FHIT: variants seen among roughly 807,000 people sequenced by gnomAD.
FHIT encodes bis(5'-adenosyl)-triphosphatase.
A neutral mutation model predicts 17.9 loss-of-function variants in FHIT; 19 were observed. The observed-to-expected ratio is 1.06, with a 90% CI of 0.74 to 1.56. The LOEUF (loss-of-function observed/expected upper bound fraction) is 1.56, where lower values mean the gene tolerates loss of function less well. FHIT is among the 40% of genes most tolerant of loss of function. The pLI, the probability that FHIT is intolerant of heterozygous loss-of-function variation, is 0.00. For missense variants in FHIT, 248 were observed against 189.2 expected, an observed-to-expected ratio of 1.31 and a Z score of -1.82; for synonymous variants, 81 against 69.7, an observed-to-expected ratio of 1.16 and a Z score of -0.81.
At chr3:61,203,093 T>C (rs1232938205) in intron 1 of FHIT, among the ~76,000 whole-genome samples, 1 of 148,600 alleles carries the variant, frequency 6.7e-6, no homozygotes, top group Non-Finnish European at 1.5e-5. Context: ...GGCAGGAGAA[T>C]GGTGTGAACC....
intron 5 of FHIT, among the ~76,000 whole-genome samples, chr3:60,517,737 A>T (rs1222668956): frequency 6.6e-6 from 1 of 152,212 alleles, no homozygotes; most frequent in African/African-American, 2.4e-5. Context: ...GTTGTGCCAC[A>T]ATCCCCAAGA....
At chr3:60,894,279 G>T (rs1705672693) in intron 3 of FHIT, among the ~76,000 whole-genome samples, 1 of 152,162 alleles carries the variant, frequency 6.6e-6, no homozygotes, top group South Asian at 2.1e-4. Context: ...AGCCTTTCAG[G>T]TGAACATTAT....
intron 4 of FHIT, among the ~76,000 whole-genome samples, chr3:60,671,881 A>C (rs2040514506): frequency 6.6e-6 from 1 of 152,034 alleles, no homozygotes; most frequent in African/African-American, 2.4e-5. Context: ...AACCAGGAGA[A>C]GAAGATTGCA....
At chr3:60,086,064 G>T (rs545228969) in intron 5 of FHIT, among the ~76,000 whole-genome samples, 2 of 152,288 alleles carry the variant, frequency 1.3e-5, no homozygotes, top group African/African-American at 4.8e-5. Flanking sequence ...AGGGCCTCAG[G>T]CTTCTTCATC....
rs574525650 is a variant in FHIT at position 60,912,836 on chromosome 3, A to G, written c.-110-90825T>C. ...TTATTGCTCTTTTTTAAAAAGCTAT[A>G]TAAGGTCACATTTTAATCACCCCTT... On this transcript the variant is annotated intron_variant, in intron 3 of 9. Coordinates refer to ENST00000492590, the MANE Select transcript of FHIT (RefSeq NM_002012.4). 20 of 504,920 alleles carry G rather than the reference A, an allele frequency of 4.0e-5. 2 individuals are homozygous for G. Among genetic ancestry groups the G allele is most frequent in the South Asian group, 2.8e-4 (19 of 67,728 alleles). 31.3% of individuals were successfully genotyped at this position (504,920 alleles called of 1,614,324 possible).
chr3:60,230,012 G>A (rs895687214), intron 5 of FHIT, among the ~76,000 whole-genome samples: 3 of 152,048 alleles, frequency 2.0e-5, no homozygotes, highest in Non-Finnish European at 4.4e-5. Flanking sequence ...AAGTGTAATC[G>A]GCCACTCACC....
intron 5 of FHIT, among the ~76,000 whole-genome samples, chr3:60,263,617 C>T (rs971137648): frequency 3.0e-4 from 46 of 152,000 alleles, no homozygotes; most frequent in African/African-American, 1.0e-3. Context: ...AAAAGCCAAA[C>T]CTAATCTATA....
intron 4 of FHIT, among the ~76,000 whole-genome samples, chr3:60,718,788 A>G (rs1553707389): frequency 6.6e-6 from 1 of 152,236 alleles, no homozygotes. Flanking sequence ...CATGAGTTAT[A>G]TAGAATTAAA....
At chr3:60,787,346 T>C (rs1700618983) in intron 4 of FHIT, among the ~76,000 whole-genome samples, 1 of 152,264 alleles carries the variant, frequency 6.6e-6, no homozygotes, top group Non-Finnish European at 1.5e-5. Context: ...ACTGCTCAAA[T>C]GTTACATCCT....
chr3:60,221,763 C>T (rs150412667), intron 5 of FHIT, among the ~76,000 whole-genome samples: 131 of 152,214 alleles, frequency 8.6e-4, no homozygotes, highest in Non-Finnish European at 1.5e-3. Context: ...TAATGACTGG[C>T]TCCTTCTCCT....
At chr3:59,838,748 A>G (rs1481910679) in intron 8 of FHIT, among the ~76,000 whole-genome samples, 1 of 152,200 alleles carries the variant, frequency 6.6e-6, no homozygotes, top group Non-Finnish European at 1.5e-5. Context: ...CCAAAGGGAT[A>G]GCATGAAACT....
At chr3:59,819,353 A>T (rs1700711203) in intron 8 of FHIT, among the ~76,000 whole-genome samples, 2 of 152,154 alleles carry the variant, frequency 1.3e-5, no homozygotes, top group South Asian at 4.1e-4. Flanking sequence ...CAAATTCCTG[A>T]TCTTAGCAAC....
At chr3:61,097,467 A>G (rs895621112) in intron 2 of FHIT, among the ~76,000 whole-genome samples, 4 of 152,230 alleles carry the variant, frequency 2.6e-5, no homozygotes, top group African/African-American at 9.6e-5. Context: ...ATAAATACCC[A>G]GTAATGGGAT....
chr3:60,904,838 G>A (rs979973481), intron 3 of FHIT, among the ~76,000 whole-genome samples: 1 of 151,598 alleles, frequency 6.6e-6, no homozygotes, highest in Non-Finnish European at 1.5e-5. Flanking sequence ...TACTCAGGAG[G>A]CTGAGGCAGA....
chr3:59,899,719 G>A (rs761540329), intron 8 of FHIT, among the ~76,000 whole-genome samples: 4 of 151,982 alleles, frequency 2.6e-5, no homozygotes, highest in East Asian at 1.9e-4. Flanking sequence ...GGCAGCATAC[G>A]CCTGTAGTCC....
At chr3:61,021,542 TGAGCC>T (rs1315809908) in intron 3 of FHIT, among the ~76,000 whole-genome samples, 3 of 129,252 alleles carry the variant, frequency 2.3e-5, no homozygotes, top group Admixed American at 9.9e-5. Context: ...GAGCTTGCAG[TGAGCC>T]GAGATCCCGC....
At chr3:60,173,915 A>ATATATATATTTTTTTTTTTT in intron 5 of FHIT, among the ~76,000 whole-genome samples, 2 of 66,440 alleles carry the variant, frequency 3.0e-5, no homozygotes, top group Non-Finnish European at 5.5e-5. Context: ...ATATATATAT[A>ATATATATATTTTTTTTTTTT]TGTTTTTTTT....
intron 2 of FHIT, among the ~76,000 whole-genome samples, chr3:61,069,021 G>A (rs2034709691): frequency 6.6e-6 from 1 of 152,166 alleles, no homozygotes; most frequent in South Asian, 2.1e-4. Flanking sequence ...GAGAAAGAGG[G>A]AGAAAACACA....
At chr3:60,328,310 A>C (rs1031148183) in intron 5 of FHIT, among the ~76,000 whole-genome samples, 6 of 152,214 alleles carry the variant, frequency 3.9e-5, no homozygotes, top group Non-Finnish European at 8.8e-5. Context: ...GTTCATTTTC[A>C]TACTGCTATG....
Sources: gnomAD v4.1 joint callset for allele counts (sites outside exome capture counted in the v4.1 genomes callset) on GRCh38, gnomAD v4.1.1 for gene constraint, MANE v1.5 for transcripts, NCBI Gene and HGNC (gene_info 2026-07-23, HGNC 2026-07-21) for gene names.